PAIP2B: variants seen among roughly 807,000 people sequenced by gnomAD.
PAIP2B encodes polyadenylate-binding protein-interacting protein 2B.
Under a neutral mutation model 17.0 loss-of-function variants are expected in PAIP2B, and 13 were observed. The ratio of observed to expected loss-of-function variants is 0.76; its 90% CI spans 0.50 to 1.22. PAIP2B has a LOEUF of 1.22. Among genes scored for constraint, PAIP2B ranks in the 50% most tolerant of loss-of-function variants. The pLI is 0.00. For missense variants in PAIP2B, 117 were observed against 144.5 expected, an observed-to-expected ratio of 0.81 and a Z score of 0.98; for synonymous variants, 43 against 48.7, an observed-to-expected ratio of 0.88 and a Z score of 0.48.
intron 1 of PAIP2B, among the ~76,000 whole-genome samples, chr2:71,210,113 C>T (rs925537453): frequency 5.3e-5 from 8 of 152,224 alleles, no homozygotes; most frequent in Non-Finnish European, 1.5e-5. Context: ...GCATGAGCCA[C>T]CACTCCCAGC....
At chr2:71,205,482 T>C (rs1675102011) in intron 1 of PAIP2B, among the ~76,000 whole-genome samples, 1 of 152,224 alleles carries the variant, frequency 6.6e-6, no homozygotes, top group Non-Finnish European at 1.5e-5. Context: ...TAATGTGCCC[T>C]GGCTTTACTA....
chr2:71,217,146 A>C (rs902184011), intron 1 of PAIP2B, among the ~76,000 whole-genome samples: 1 of 152,080 alleles, frequency 6.6e-6, no homozygotes, highest in Non-Finnish European at 1.5e-5. Flanking sequence ...ATATATTTTA[A>C]TTTTTTTGAG....
intron 2 of PAIP2B, among the ~76,000 whole-genome samples, chr2:71,194,879 CTT>C (rs1182971424): frequency 6.6e-6 from 1 of 152,020 alleles, no homozygotes; most frequent in East Asian, 1.9e-4. Context: ...ATAGATGACT[CTT>C]ATTATTTTGA....
chr2:71,224,673 C>G (rs996505365), intron 1 of PAIP2B, among the ~76,000 whole-genome samples: 10 of 152,298 alleles, frequency 6.6e-5, no homozygotes, highest in South Asian at 2.1e-4. Flanking sequence ...GAGATCAGAA[C>G]ACAGTGCCAT....
intron 1 of PAIP2B, among the ~76,000 whole-genome samples, chr2:71,204,473 A>G (rs1675071747): frequency 6.6e-6 from 1 of 152,140 alleles, no homozygotes; most frequent in African/African-American, 2.4e-5. Flanking sequence ...GAAATGTAAT[A>G]TTCTAAAAAG....
intron 1 of PAIP2B, among the ~76,000 whole-genome samples, chr2:71,212,602 C>T (rs1176337849): frequency 6.6e-6 from 1 of 152,174 alleles, no homozygotes; most frequent in African/African-American, 2.4e-5. Flanking sequence ...AATCAAGTTA[C>T]TCAAGAGGGA....
In PAIP2B at chr2:71,221,686, G is replaced by A. The variant is rs1199823763; in HGVS notation, c.-12+5242C>T. Among the ~76,000 whole-genome samples the A allele has an allele frequency of 3.3e-5, 5 of 152,294 alleles. 1 individual carries two copies. The highest frequency in any genetic ancestry group is 3.3e-4 in the Admixed American group (5 of 15,300). On this transcript the variant is annotated intron_variant, in intron 1 of 3. Coordinates refer to ENST00000244221, the MANE Select transcript of PAIP2B (RefSeq NM_020459.1). The stretch of plus-strand genomic sequence containing the variant: ...CAAAAGGCCATGAAACTCTAGAACT[G>A]TTATACTCTCAATCGTCTTCTAAAG...
chr2:71,210,070 C>T (rs1283597156), intron 1 of PAIP2B, among the ~76,000 whole-genome samples: 2 of 152,150 alleles, frequency 1.3e-5, no homozygotes, highest in African/African-American at 2.4e-5. Flanking sequence ...GTGATCTGCC[C>T]GCCTCAGCCT....
chr2:71,219,002 G>A (rs1307635850), intron 1 of PAIP2B, among the ~76,000 whole-genome samples: 17 of 147,870 alleles, frequency 1.1e-4, no homozygotes, highest in Admixed American at 2.7e-4. Flanking sequence ...TGCAAGCTCC[G>A]CCTCCTGGGT....
rs1572915376 is a variant in PAIP2B at position 71,184,634 on chromosome 2, T to C, written c.*3845A>G. ...GGCAGCAGAGCAGAGGCTGCAGAGGTGCTCTGTCTACCGGGAGAACTAATG... is the reference window on the plus strand; with the variant it reads ...GGCAGCAGAGCAGAGGCTGCAGAGGCGCTCTGTCTACCGGGAGAACTAATG... On this transcript the variant is annotated 3_prime_UTR_variant, in exon 4 of 4. Transcript: ENST00000244221. 1 of 152,130 alleles carries C rather than the reference T, an allele frequency of 6.6e-6. No individual in the cohort carries two copies. Among genetic ancestry groups the C allele is most frequent in the Non-Finnish European group, 1.5e-5 (1 of 68,020 alleles). 9.4% of individuals were successfully genotyped at this position (152,130 alleles called of 1,614,324 possible).
At chr2:71,203,764 A>C (rs1392479289) in intron 1 of PAIP2B, among the ~76,000 whole-genome samples, 10 of 151,886 alleles carry the variant, frequency 6.6e-5, no homozygotes, top group Non-Finnish European at 2.9e-5. Flanking sequence ...GTTTATAACT[A>C]AAATAAATAT....
intron 2 of PAIP2B, among the ~76,000 whole-genome samples, chr2:71,190,468 AC>A (rs1385120869): frequency 6.6e-6 from 1 of 152,208 alleles, no homozygotes; most frequent in African/African-American, 2.4e-5. Context: ...TTATGATCTT[AC>A]ATGAGGTCCA....
intron 1 of PAIP2B, among the ~76,000 whole-genome samples, chr2:71,225,838 G>C (rs963307561): frequency 8.5e-5 from 13 of 152,174 alleles, no homozygotes; most frequent in African/African-American, 3.1e-4. Flanking sequence ...AAAGGGAACA[G>C]GGAATGTTGT....
At chr2:71,208,588 C>T (rs1291194238) in intron 1 of PAIP2B, among the ~76,000 whole-genome samples, 1 of 151,966 alleles carries the variant, frequency 6.6e-6, no homozygotes, top group Non-Finnish European at 1.5e-5. Flanking sequence ...TAAATGGTAG[C>T]CCCCCCAAAA....
At chr2:71,198,154 T>C (rs1674871712) in intron 2 of PAIP2B, among the ~76,000 whole-genome samples, 1 of 152,154 alleles carries the variant, frequency 6.6e-6, no homozygotes, top group Non-Finnish European at 1.5e-5. Flanking sequence ...AGTTTCACAC[T>C]TGTTGCCCAG....
chr2:71,214,371 T>A (rs1047427555), intron 1 of PAIP2B, among the ~76,000 whole-genome samples: 3 of 152,162 alleles, frequency 2.0e-5, no homozygotes, highest in Non-Finnish European at 4.4e-5. Flanking sequence ...TCAACAAAAG[T>A]ACTGAGGTCT....
intron 2 of PAIP2B, among the ~76,000 whole-genome samples, chr2:71,201,565 G>A (rs772902533): frequency 2.0e-5 from 3 of 152,086 alleles, no homozygotes; most frequent in Non-Finnish European, 4.4e-5. Context: ...ATTTTTAGTA[G>A]AGATGAGGTT....
chr2:71,225,494 G>C (rs752415033), intron 1 of PAIP2B, among the ~76,000 whole-genome samples: 7 of 152,108 alleles, frequency 4.6e-5, no homozygotes, highest in Admixed American at 1.3e-4. Flanking sequence ...TTTTTGAAAA[G>C]TCAGGAAACT....
chr2:71,208,425 C>A (rs1187325963), intron 1 of PAIP2B, among the ~76,000 whole-genome samples: 2 of 150,794 alleles, frequency 1.3e-5, no homozygotes, highest in African/African-American at 4.9e-5. Context: ...TCCATTTCAC[C>A]CCCCCAAAAA....
Sources: allele counts gnomAD v4.1 joint callset (sites outside exome capture counted in the v4.1 genomes callset), GRCh38; gene constraint gnomAD v4.1.1; transcripts MANE v1.5; gene names NCBI Gene and HGNC (gene_info 2026-07-23, HGNC 2026-07-21).